VWA8: variants seen among roughly 807,000 people sequenced by gnomAD.
The protein encoded by VWA8 is von Willebrand factor A domain-containing protein 8.
In VWA8, 221 loss-of-function variants were observed where a neutral mutation model predicts 241.5. That is an observed-to-expected ratio of 0.91 (90% confidence interval 0.82 to 1.02). VWA8 has a LOEUF of 1.02. VWA8 is among the 50% of genes least tolerant of loss of function. The pLI is 0.00. For synonymous variants in VWA8, 852 were observed against 827.1 expected (o/e 1.03, Z -0.52); for missense variants, 2,322 against 2,328.7 (o/e 1.00, Z 0.06).
intron 12 of VWA8, among the ~76,000 whole-genome samples, chr13:41,833,905 AC>A (rs1347252363): frequency 2.6e-5 from 4 of 152,172 alleles, no homozygotes; most frequent in Admixed American, 2.0e-4. Flanking sequence ...TTTTATGGTG[AC>A]CTAACCATCC....
Position 41,796,709 on chromosome 13 carries a change from C to T in VWA8, c.2064-9166G>A, listed in dbSNP as rs549354369. On this transcript the variant is annotated intron_variant, in intron 17 of 44. Coordinates refer to ENST00000379310, the MANE Select transcript of VWA8 (RefSeq NM_015058.2). ...TACTTTCTTTGGGTTTAGTCTGTAA[C>T]TTTTTACTAACTTAAGTTGAATGCC... Among the ~76,000 whole-genome samples the T allele has an allele frequency of 4.0e-5, 6 of 151,174 alleles. No homozygotes were observed. In the South Asian group the frequency reaches 1.3e-3, roughly 32 times the overall value.
intron 21 of VWA8, among the ~76,000 whole-genome samples, chr13:41,754,903 A>G (rs377226855): frequency 3.9e-5 from 6 of 152,158 alleles, no homozygotes; most frequent in African/African-American, 1.4e-4. Flanking sequence ...AATGACCTCC[A>G]GTTGCACCCA....
intron 2 of VWA8, among the ~76,000 whole-genome samples, chr13:41,940,634 A>G (rs997567209): frequency 6.6e-6 from 1 of 152,206 alleles, no homozygotes; most frequent in African/African-American, 2.4e-5. Flanking sequence ...ATGCAAGACA[A>G]TTTATCTGTC....
At chr13:41,808,418 G>A (rs893608587) in intron 17 of VWA8, among the ~76,000 whole-genome samples, 2 of 152,092 alleles carry the variant, frequency 1.3e-5, no homozygotes, top group African/African-American at 4.8e-5. Context: ...AGAAGGCAAC[G>A]GGGGAACAAG....
rs1877121423 is a variant in VWA8 at position 41,931,560 on chromosome 13, A to G, written c.241+18376T>C. Among the ~76,000 whole-genome samples, 3 of 152,116 alleles carry G rather than the reference A, an allele frequency of 2.0e-5. No homozygotes were observed. The East Asian group carries it at 5.8e-4, about 29-fold the overall frequency. On this transcript the variant is annotated intron_variant, in intron 2 of 44. Transcript: ENST00000379310. ...GTATTGAAATTCCTCCTAAATGAGT[A>G]GTTTTTAGCTGCTTTTGCCAAACCA...
intron 9 of VWA8, among the ~76,000 whole-genome samples, chr13:41,878,107 A>G (rs1358519086): frequency 6.6e-6 from 1 of 152,136 alleles, no homozygotes; most frequent in African/African-American, 2.4e-5. Flanking sequence ...ATTAATTTCT[A>G]TGATAATCTA....
chr13:41,880,763 T>C (rs1022418461), intron 9 of VWA8, among the ~76,000 whole-genome samples: 2 of 152,146 alleles, frequency 1.3e-5, no homozygotes, highest in Non-Finnish European at 2.9e-5. Flanking sequence ...AATGGGGAAT[T>C]TGGGAGGCAT....
chr13:41,659,684 G>C (rs1440992867), intron 37 of VWA8, among the ~76,000 whole-genome samples: 1 of 152,066 alleles, frequency 6.6e-6, no homozygotes, highest in South Asian at 2.1e-4. Flanking sequence ...ACATAATTCT[G>C]ATCTCAACAT....
intron 14 of VWA8, among the ~76,000 whole-genome samples, chr13:41,824,470 A>G (rs1871094425): frequency 6.6e-6 from 1 of 152,216 alleles, no homozygotes; most frequent in African/African-American, 2.4e-5. Flanking sequence ...ACCTAAGGAG[A>G]GATATCTAGT....
intron 2 of VWA8, chr13:41,926,173 G>A (rs1314710103): frequency 1.6e-6 from 1 of 626,408 alleles, no homozygotes; most frequent in Non-Finnish European, 2.9e-6. Flanking sequence ...ACCAAGAAGG[G>A]TGAGCTGAGC....
At chr13:41,749,261 T>C (rs1052997635) in intron 21 of VWA8, among the ~76,000 whole-genome samples, 2 of 152,176 alleles carry the variant, frequency 1.3e-5, no homozygotes, top group Non-Finnish European at 2.9e-5. Context: ...AAAGTGCTCA[T>C]CATCACTGGC....
Position 41,833,368 on chromosome 13 carries a change from C to G in VWA8, c.1586+3G>C. 1 of 1,604,798 alleles carries G rather than the reference C, an allele frequency of 6.2e-7. No homozygotes were observed. The highest frequency in any genetic ancestry group is 8.5e-7 in the Non-Finnish European group (1 of 1,175,892). On this transcript the variant is annotated splice_donor_region_variant and intron_variant, in intron 13 of 44. Coordinates refer to ENST00000379310, the MANE Select transcript of VWA8 (RefSeq NM_015058.2). ...GTGTGTGATTTTTGTGACTCATACCCACCTTTGCAATACAGCAAGCGTGCC... is the reference window on the plus strand; with the variant it reads ...GTGTGTGATTTTTGTGACTCATACCGACCTTTGCAATACAGCAAGCGTGCC...
intron 16 of VWA8, among the ~76,000 whole-genome samples, chr13:41,811,682 T>C (rs1304693517): frequency 6.6e-6 from 1 of 152,148 alleles, no homozygotes; most frequent in Non-Finnish European, 1.5e-5. Context: ...TTTTTCTCCT[T>C]ACACAAAGCC....
intron 20 of VWA8, among the ~76,000 whole-genome samples, chr13:41,762,372 G>GTA (rs1462105531): frequency 6.6e-6 from 1 of 152,022 alleles, no homozygotes; most frequent in Non-Finnish European, 1.5e-5. Flanking sequence ...AGGCTCAGAG[G>GTA]TAAGCATTGT....
rs1189282598 is a variant in VWA8 at position 41,699,201 on chromosome 13, C to T, written c.3434G>A (p.Gly1145Glu). 2 of 1,614,088 alleles carry T rather than the reference C, an allele frequency of 1.2e-6. No individual in the cohort carries two copies. Among genetic ancestry groups the T allele is most frequent in the Non-Finnish European group, 1.7e-6 (2 of 1,180,010 alleles). ...PASLYFMNMT[G>E]KSGFFVDFFD... is the part of the protein sequence containing the mutation. ...AAAGTCCACAAAGAAGCCACTTTTC[C>T]CAGTCATATTCATAAAGTACAGGGA... The change falls in exon 29 of 45, where the codon GGG (glycine) becomes GAG (glutamate). Residue 1145 changes from glycine (G) to glutamate (E), a missense_variant. Coordinates refer to ENST00000379310, the MANE Select transcript of VWA8 (RefSeq NM_015058.2).
intron 2 of VWA8, chr13:41,926,126 A>G (rs759480077): frequency 2.1e-4 from 121 of 577,814 alleles, no homozygotes; most frequent in Non-Finnish European, 1.5e-4. Context: ...AACTGCATCA[A>G]GGAGACATAA....
At chr13:41,809,804 G>A (rs993852397) in intron 17 of VWA8, among the ~76,000 whole-genome samples, 2 of 152,082 alleles carry the variant, frequency 1.3e-5, no homozygotes, top group African/African-American at 4.8e-5. Context: ...AATTGTCAAT[G>A]AAGTGAAGAG....
At chr13:41,578,010 C>T (rs989007908) in intron 42 of VWA8, among the ~76,000 whole-genome samples, 15 of 152,298 alleles carry the variant, frequency 9.8e-5, no homozygotes, top group African/African-American at 3.4e-4. Flanking sequence ...AACCATCCAT[C>T]TATCATTTGA....
chr13:41,794,546 GA>G (rs1869602706), intron 17 of VWA8, among the ~76,000 whole-genome samples: 1 of 152,134 alleles, frequency 6.6e-6, no homozygotes, highest in African/African-American at 2.4e-5. Flanking sequence ...GAGACAATGG[GA>G]TTTTCTAGAA....
Sources: gnomAD v4.1 joint callset for allele counts (sites outside exome capture counted in the v4.1 genomes callset) on GRCh38, gnomAD v4.1.1 for gene constraint, MANE v1.5 for transcripts, NCBI Gene and HGNC (gene_info 2026-07-23, HGNC 2026-07-21) for gene names.